The following LRRC41 variants were observed in gnomAD, a reference collection of about 807,000 sequenced individuals.
LRRC41 encodes the protein leucine rich repeat containing 41, also known as leucine-rich repeat-containing protein 41.
Under a neutral mutation model 72.1 loss-of-function variants are expected in LRRC41, and 17 were observed. That is an observed-to-expected ratio of 0.24 (90% confidence interval 0.16 to 0.35). The LOEUF is 0.35. Ranked by LOEUF, LRRC41 falls within the 10% of genes least tolerant of loss-of-function variation. The pLI is 1.00. For synonymous variants in LRRC41, 427 were observed against 431.0 expected (o/e 0.99, Z 0.11); for missense variants, 759 against 1,065.0 (o/e 0.71, Z 4.00).
chr1:46,297,357 T>C (rs1661145720), intron 3 of LRRC41: 1 of 477,812 alleles, frequency 2.1e-6, no homozygotes. Flanking sequence ...TTCCCTGTTT[T>C]GTGTCCCCTG....
intron 1 of LRRC41, chr1:46,300,551 A>G (rs1330726567): frequency 6.6e-6 from 1 of 152,214 alleles, no homozygotes; most frequent in Admixed American, 6.5e-5. Context: ...GGTCTATTAC[A>G]ACAGCCTAAC....
At chr1:46,283,023 A>C (rs1269195876) in intron 4 of LRRC41, among the ~76,000 whole-genome samples, 1 of 139,180 alleles carries the variant, frequency 7.2e-6, no homozygotes, top group East Asian at 2.0e-4. Flanking sequence ...ACTCCCTGTC[A>C]AAAAAAAAAA....
intron 3 of LRRC41, among the ~76,000 whole-genome samples, chr1:46,291,266 T>C (rs1661009989): frequency 6.6e-6 from 1 of 152,090 alleles, no homozygotes; most frequent in African/African-American, 2.4e-5. Context: ...GTAATAAACA[T>C]CTGGAAATAA....
Position 46,302,436 on chromosome 1 carries a change from G to A in LRRC41, c.199+688C>T, listed in dbSNP as rs1661257066. On this transcript the variant is annotated intron_variant, in intron 1 of 9. Coordinates refer to ENST00000617190, the MANE Select transcript of LRRC41 (RefSeq NM_006369.5). This position sits in a 1 kb window ranked among gnomAD's most constrained non-coding sequence, Gnocchi z 4.7. ...TCCCTGTCCTGCGGGTCGCACGGTC[G>A]CTCGGTCGCTTAGTCAGTTTGGCAC... 1 of 985,358 alleles carries A rather than the reference G, an allele frequency of 1.0e-6. No individual in the cohort carries two copies. The highest frequency in any genetic ancestry group is 1.7e-5 in the African/African-American group (1 of 57,336). The allele number at this position is 985,358 out of a possible 1,614,324, so 61.0% of individuals were successfully genotyped here.
intron 4 of LRRC41, 137 bp from the exon 5 acceptor site, chr1:46,281,522 T>G: frequency 1.2e-6 from 1 of 816,772 alleles, no homozygotes; most frequent in South Asian, 1.8e-5. Context: ...CCCATTTGTC[T>G]TAACTACTCA....
rs1661266396 is a variant in LRRC41 at position 46,302,679 on chromosome 1, C to T, written c.199+445G>A. 2.0e-6 allele frequency: 2 copies of T among 985,292 alleles called. No homozygotes were observed. Among genetic ancestry groups the T allele is most frequent in the South Asian group, 9.4e-5 (2 of 21,290 alleles). 61.0% of individuals were successfully genotyped at this position (985,292 alleles called of 1,614,324 possible). The stretch of plus-strand genomic sequence containing the variant: ...CGGGGCCATCAGTCAGGTTCGGTGG[C>T]CCCGGGCCTGGCCTGGCCTTGCCTT... On this transcript the variant is annotated intron_variant, in intron 1 of 9. Coordinates refer to ENST00000617190, the MANE Select transcript of LRRC41 (RefSeq NM_006369.5). This position sits in a 1 kb window ranked among gnomAD's most constrained non-coding sequence, Gnocchi z 4.7.
rs1255684903 is a variant in LRRC41 at position 46,285,674 on chromosome 1, C to T, written c.1183G>A (p.Ala395Thr). 1.9e-6 allele frequency: 3 copies of T among 1,614,028 alleles called. No homozygotes were observed. In the African/African-American group the frequency reaches 4.0e-5, roughly 22 times the overall value. ...PKPLKRFKRAAGKKGARTRQG... is the reference protein window; with the variant it reads ...PKPLKRFKRATGKKGARTRQG... ...CGGGTGCGAGCACCCTTCTTCCCTG[C>T]AGCTCGCTTGAAACGCTTTAGGGGC... The change falls in exon 4 of 10, where the codon GCA becomes ACA. Residue 395 changes from alanine to threonine, a missense_variant. By Grantham distance (58) the Ala-to-Thr change is moderately conservative. This residue lies in a region of LRRC41 where 427 missense variants were observed against 520.9 expected (regional missense o/e 0.82). Transcript: ENST00000617190. The surrounding 1 kb of genome is among the most constrained non-coding windows in gnomAD (Gnocchi z 5.3).
At chr1:46,281,820 T>C (rs1660781262) in intron 4 of LRRC41, among the ~76,000 whole-genome samples, 1 of 152,232 alleles carries the variant, frequency 6.6e-6, no homozygotes, top group Non-Finnish European at 1.5e-5. Flanking sequence ...GGCTCACGCC[T>C]GTAATCCCAG....
chr1:46,282,455 T>C lies in LRRC41; in HGVS notation c.1496-1070A>G, dbSNP rs567058494. ...GCCTACTAAATATCAAGTTTTTTGC[T>C]AGACACTAGTGAGCAGCACATTGCT... On this transcript the variant is annotated intron_variant, in intron 4 of 9. Coordinates refer to ENST00000617190, the MANE Select transcript of LRRC41 (RefSeq NM_006369.5). 3.9e-5 allele frequency among the ~76,000 whole-genome samples: 6 copies of C among 152,366 alleles called. No homozygotes were observed. The South Asian group carries it at 1.0e-3, about 26-fold the overall frequency.
rs990097109 is a variant in LRRC41, at chr1:46,279,251, G to A, written c.2150C>T (p.Ala717Val). The change falls in exon 9 of 10, where the codon GCT (alanine) becomes GTT (valine). Residue 717 changes from alanine (A) to valine (V), a missense_variant. Transcript: ENST00000617190. This position sits in a 1 kb window ranked among gnomAD's most constrained non-coding sequence, Gnocchi z 4.5. ...LRLPGNRLGN[A>V]GLLALADVFS... ...AACATCTGCCAAGGCCAGCAGGCCA[G>A]CATTCCCTGGAGAGAAGGGGAGAAC... 2.5e-6 allele frequency: 4 copies of A among 1,614,032 alleles called. No homozygotes were observed. The highest frequency in any genetic ancestry group is 3.4e-6 in the Non-Finnish European group (4 of 1,179,992).
In LRRC41 at chr1:46,278,431, A is replaced by AAAC; in HGVS notation, c.*431_*433dup. On this transcript the variant is annotated 3_prime_UTR_variant, in exon 10 of 10. Transcript: ENST00000617190. ...TTGCCCAAAATTTATTTTATAAGAA[A>AAAC]AACTTTTTTGGTTAAAAAAAAGAAT... 1 of 978,392 alleles carries AAAC rather than the reference A, an allele frequency of 1.0e-6. No homozygotes were observed. The highest frequency in any genetic ancestry group is 1.5e-6 in the Non-Finnish European group (1 of 648,504). 60.6% of individuals were successfully genotyped at this position (978,392 alleles called of 1,614,324 possible).
Position 46,281,311 on chromosome 1 carries a change from C to T in LRRC41, c.1570G>A (p.Ala524Thr), listed in dbSNP as rs772181152. 1.9e-6 allele frequency: 3 copies of T among 1,614,196 alleles called. No individual in the cohort carries two copies. The highest frequency in any genetic ancestry group is 2.5e-6 in the Non-Finnish European group (3 of 1,180,030). The stretch of plus-strand genomic sequence containing the variant: ...GAGAACAGGTCACTGAGATGCAGGG[C>T]ACGGAGGCGACATCCAGCCTGGCCT... ...LSGQAGCRLR[A>T]LHLSDLFSPL... Residue 524 changes from alanine to threonine, a missense_variant, in exon 5 of 10, where the codon GCC becomes ACC. Ala to Thr is a moderately conservative substitution (Grantham distance 58). This residue lies in a region of LRRC41 where 427 missense variants were observed against 520.9 expected (regional missense o/e 0.82). Transcript: ENST00000617190.
chr1:46,302,052 C>A lies in LRRC41; in HGVS notation c.199+1072G>T. On this transcript the variant is annotated intron_variant, in intron 1 of 9. Transcript: ENST00000617190. This position sits in a 1 kb window ranked among gnomAD's most constrained non-coding sequence, Gnocchi z 4.7. Reference sequence around the variant, plus strand: ...CAGCGGCCAGGCCGCGGCCAGCGGTCCCCAACCCACAGCCCCGCCTCCCAG... The same window carrying A: ...CAGCGGCCAGGCCGCGGCCAGCGGTACCCAACCCACAGCCCCGCCTCCCAG... 2 of 985,350 alleles carry A rather than the reference C, an allele frequency of 2.0e-6. No individual in the cohort carries two copies. Among genetic ancestry groups the A allele is most frequent in the Non-Finnish European group, 2.4e-6 (2 of 829,890 alleles). The allele number at this position is 985,350 out of a possible 1,614,324, so 61.0% of individuals were successfully genotyped here. A position where few individuals can be genotyped will look rare whatever the true frequency, so the allele number is the denominator to read the frequency against.
At chr1:46,290,916 GTTTTT>G (rs71062750) in intron 3 of LRRC41, among the ~76,000 whole-genome samples, 2 of 65,728 alleles carry the variant, frequency 3.0e-5, no homozygotes, top group Non-Finnish European at 5.7e-5. Flanking sequence ...CCTGTTTCTA[GTTTTT>G]TTTTTTTTTT....
Position 46,303,559 on chromosome 1 carries a change from G to T in LRRC41, c.-237C>A. The T allele has an allele frequency of 1.3e-6, 1 of 791,556 alleles. No homozygotes were observed. 49.0% of individuals were successfully genotyped at this position (791,556 alleles called of 1,614,324 possible). A position where few individuals can be genotyped will look rare whatever the true frequency, so the allele number is the denominator to read the frequency against. ...GGATGTTTCTTAGCAAAGCCTCCTC[G>T]GGTGCAAACATCAGCTACCCCTAAC... is the stretch of plus-strand genomic sequence containing the variant. On this transcript the variant is annotated 5_prime_UTR_variant, in exon 1 of 10. Transcript: ENST00000617190.
At position 46,302,882 on chromosome 1, in the gene LRRC41, T is replaced by G; in HGVS notation, c.199+242A>C. ...CTGCTTCGCTCCAGACCGGGCCTCC[T>G]GGCCTCGCCCCCCGCGCCCCCGAGC... is the stretch of plus-strand genomic sequence containing the variant. On this transcript the variant is annotated intron_variant, in intron 1 of 9. Coordinates refer to ENST00000617190, the MANE Select transcript of LRRC41 (RefSeq NM_006369.5). The surrounding 1 kb of genome is among the most constrained non-coding windows in gnomAD (Gnocchi z 4.7). 2.0e-6 allele frequency: 2 copies of G among 983,976 alleles called. No individual in the cohort carries two copies. The highest frequency in any genetic ancestry group is 2.4e-6 in the Non-Finnish European group (2 of 829,484). The allele number at this position is 983,976 out of a possible 1,614,324, so 61.0% of individuals were successfully genotyped here.
rs1553171418 is a variant in LRRC41 at position 46,290,944 on chromosome 1, T to TA, written c.358-4446dup. ...TTTTTTTTTTTTTTTTTTTTTTTTT[T>TA]AAGACATTCCTGCTCTGTTGCCCAG... On this transcript the variant is annotated intron_variant, in intron 3 of 9. Coordinates refer to ENST00000617190, the MANE Select transcript of LRRC41 (RefSeq NM_006369.5). 1.4e-5 allele frequency among the ~76,000 whole-genome samples: 2 copies of TA among 148,014 alleles called. 1 individual carries two copies. The highest frequency in any genetic ancestry group is 3.0e-5 in the Non-Finnish European group (2 of 67,226).
chr1:46,283,322 A>G (rs892131228), intron 4 of LRRC41, among the ~76,000 whole-genome samples: 1 of 152,224 alleles, frequency 6.6e-6, no homozygotes, highest in Admixed American at 6.5e-5. Context: ...TGTATTTAAC[A>G]AATTGTAAAG....
Position 46,278,022 on chromosome 1 carries a change from A to G in LRRC41, c.*843T>C. 3.7e-6 allele frequency: 6 copies of G among 1,614,142 alleles called. No homozygotes were observed. Among genetic ancestry groups the G allele is most frequent in the Non-Finnish European group, 5.1e-6 (6 of 1,179,978 alleles). Reference sequence around the variant, plus strand: ...ACCATTATCTCTAAGCTACCCACACAGTAGGGAGATGGGATCTGTAGTGAC... The same window carrying G: ...ACCATTATCTCTAAGCTACCCACACGGTAGGGAGATGGGATCTGTAGTGAC... On this transcript the variant is annotated 3_prime_UTR_variant, in exon 10 of 10. Coordinates refer to ENST00000617190, the MANE Select transcript of LRRC41 (RefSeq NM_006369.5).
Sources: allele counts gnomAD v4.1 joint callset (sites outside exome capture counted in the v4.1 genomes callset), GRCh38; gene constraint gnomAD v4.1.1; regional missense constraint gnomAD v4.1.1; non-coding constraint Gnocchi (gnomAD v3.1); transcripts MANE v1.5; gene names NCBI Gene and HGNC (gene_info 2026-07-23, HGNC 2026-07-21).